AGAP1: variants seen among roughly 807,000 people sequenced by gnomAD.
The protein encoded by AGAP1 is ArfGAP with GTPase domain, ankyrin repeat and PH domain 1, also known as arf-GAP with GTPase, ANK repeat and PH domain-containing protein 1.
AGAP1 carries 29 observed loss-of-function variants against 105.3 expected under a neutral mutation model. That is an observed-to-expected ratio of 0.28 (90% CI 0.21 to 0.38). The LOEUF (loss-of-function observed/expected upper bound fraction) is 0.38, where lower values mean the gene tolerates loss of function less well. Among genes scored for constraint, AGAP1 ranks in the 10% least tolerant of loss-of-function variants. The pLI is 1.00. For missense variants in AGAP1, 998 were observed against 1,165.1 expected, an observed-to-expected ratio of 0.86 and a Z score of 2.09; for synonymous variants, 509 against 485.9, an observed-to-expected ratio of 1.05 and a Z score of -0.63.
intron 9 of AGAP1, chr2:235,852,871 G>T: frequency 7.2e-7 from 1 of 1,393,966 alleles, no homozygotes; most frequent in Non-Finnish European, 9.4e-7. Flanking sequence ...AGTTAACATA[G>T]AGGTGAACTC....
At chr2:236,102,228 T>G (rs183241436) in intron 16 of AGAP1, among the ~76,000 whole-genome samples, 14 of 152,010 alleles carry the variant, frequency 9.2e-5, no homozygotes, top group Non-Finnish European at 1.8e-4. Context: ...CCATCCTGGC[T>G]AACACGGTGA....
chr2:235,825,844 A>G (rs1959032227), intron 9 of AGAP1, among the ~76,000 whole-genome samples: 2 of 152,252 alleles, frequency 1.3e-5, no homozygotes, highest in Non-Finnish European at 2.9e-5. Flanking sequence ...ATACATTTAA[A>G]AATAACTTAA....
rs1485977859 is a variant in AGAP1, at chr2:236,083,875, A to G, written c.2114+34594A>G. On this transcript the variant is annotated intron_variant, in intron 16 of 17. Transcript: ENST00000304032. The surrounding 1 kb of genome is among the most constrained non-coding windows in gnomAD (Gnocchi z 5.3). The stretch of plus-strand genomic sequence containing the variant: ...TTAAATGAATCCGAGATAAATGGGC[A>G]TGTGCGTGTGTATGCACACACACGT... Among the ~76,000 whole-genome samples, 1 of 152,286 alleles carries G rather than the reference A, an allele frequency of 6.6e-6. No individual in the cohort carries two copies. Among genetic ancestry groups the G allele is most frequent in the South Asian group, 2.1e-4 (1 of 4,822 alleles).
In AGAP1 at chr2:235,927,961, CAG is replaced by C. The variant is rs1000701307; in HGVS notation, c.1325-2803_1325-2802del. On this transcript the variant is annotated intron_variant, in intron 11 of 17. Coordinates refer to ENST00000304032, the MANE Select transcript of AGAP1 (RefSeq NM_001037131.3). The surrounding 1 kb of genome is among the most constrained non-coding windows in gnomAD (Gnocchi z 4.4). Reference sequence around the variant, plus strand: ...GATGGCATGCTTAATAATGACTTGACAGGGGTCTGATTGGGCATTGCAGTGTG... The same window carrying C: ...GATGGCATGCTTAATAATGACTTGACGGGTCTGATTGGGCATTGCAGTGTG... 6.6e-6 allele frequency among the ~76,000 whole-genome samples: 1 copy of C among 152,174 alleles called. No individual in the cohort carries two copies. Among genetic ancestry groups the C allele is most frequent in the Non-Finnish European group, 1.5e-5 (1 of 68,042 alleles).
rs1458069360 is a variant in AGAP1 at position 235,733,900 on chromosome 2, G to T, written c.311-7063G>T. On this transcript the variant is annotated intron_variant, in intron 3 of 17. Coordinates refer to ENST00000304032, the MANE Select transcript of AGAP1 (RefSeq NM_001037131.3). The surrounding 1 kb of genome is among the most constrained non-coding windows in gnomAD (Gnocchi z 5.0). ...TTGGCTAAATTTTGTAAACAAAGAT[G>T]TTACCAATAAAACCTTTTTCCCAGT... is the stretch of plus-strand genomic sequence containing the variant. Among the ~76,000 whole-genome samples, 1 of 152,152 alleles carries T rather than the reference G, an allele frequency of 6.6e-6. No individual in the cohort carries two copies. The highest frequency in any genetic ancestry group is 2.4e-5 in the African/African-American group (1 of 41,434).
At chr2:235,849,359 T>C (rs1265847922) in intron 9 of AGAP1, among the ~76,000 whole-genome samples, 3 of 152,240 alleles carry the variant, frequency 2.0e-5, no homozygotes, top group Non-Finnish European at 4.4e-5. Flanking sequence ...TATAATTAAC[T>C]GGTTTTTTTG....
rs1198448563 is a variant in AGAP1, at chr2:235,973,897, A to T, written c.1645+5274A>T. ...CAAGTTCAAGGGTATGTGCCAGGGAAAAGCGCCTGGGCAGTGGGATTTTGC... is the reference window on the plus strand; with the variant it reads ...CAAGTTCAAGGGTATGTGCCAGGGATAAGCGCCTGGGCAGTGGGATTTTGC... On this transcript the variant is annotated intron_variant, in intron 13 of 17. Transcript: ENST00000304032. The surrounding 1 kb of genome is among the most constrained non-coding windows in gnomAD (Gnocchi z 4.7). Among the ~76,000 whole-genome samples, 1 of 152,132 alleles carries T rather than the reference A, an allele frequency of 6.6e-6. No homozygotes were observed. The highest frequency in any genetic ancestry group is 6.5e-5 in the Admixed American group (1 of 15,278).
chr2:235,600,509 T>C lies in AGAP1; in HGVS notation c.163+105660T>C, dbSNP rs537714058. Among the ~76,000 whole-genome samples, 36 of 152,218 alleles carry C rather than the reference T, an allele frequency of 2.4e-4. No homozygotes were observed. Among genetic ancestry groups the C allele is most frequent in the African/African-American group, 8.2e-4 (34 of 41,512 alleles). ...AGGGATGGAACCAATAGGCCAGATA[T>C]GTAATAAAGGGGAGTTTATTAAGGA... On this transcript the variant is annotated intron_variant, in intron 1 of 17. Coordinates refer to ENST00000304032, the MANE Select transcript of AGAP1 (RefSeq NM_001037131.3). The surrounding 1 kb of genome is among the most constrained non-coding windows in gnomAD (Gnocchi z 4.8).
intron 9 of AGAP1, among the ~76,000 whole-genome samples, chr2:235,831,314 C>G (rs766100496): frequency 5.9e-5 from 9 of 152,204 alleles, no homozygotes; most frequent in Non-Finnish European, 1.2e-4. Flanking sequence ...TGAGCCTGCA[C>G]TGACAGCACT....
chr2:235,659,516 CAT>C lies in AGAP1; in HGVS notation c.164-49662_164-49661del, dbSNP rs1302163968. On this transcript the variant is annotated intron_variant, in intron 1 of 17. Coordinates refer to ENST00000304032, the MANE Select transcript of AGAP1 (RefSeq NM_001037131.3). This position sits in a 1 kb window ranked among gnomAD's most constrained non-coding sequence, Gnocchi z 5.0. ...TGGCAGTCAGGGTGCTATATGAACACATGTTTTGTGGGTCACTTGCCAGGCGT... is the reference window on the plus strand; with the variant it reads ...TGGCAGTCAGGGTGCTATATGAACACGTTTTGTGGGTCACTTGCCAGGCGT... Among the ~76,000 whole-genome samples, 5 of 152,162 alleles carry C rather than the reference CAT, an allele frequency of 3.3e-5. No homozygotes were observed. The highest frequency in any genetic ancestry group is 2.9e-5 in the Non-Finnish European group (2 of 68,046).
rs1355397170 is a variant in AGAP1 at position 236,124,503 on chromosome 2, A to C, written c.*381A>C. 1 of 288,086 alleles carries C rather than the reference A, an allele frequency of 3.5e-6. No individual in the cohort carries two copies. The highest frequency in any genetic ancestry group is 4.7e-5 in the Admixed American group (1 of 21,380). The allele number at this position is 288,086 out of a possible 1,614,324, so 17.8% of individuals were successfully genotyped here. On this transcript the variant is annotated 3_prime_UTR_variant, in exon 18 of 18. Transcript: ENST00000304032. This position sits in a 1 kb window ranked among gnomAD's most constrained non-coding sequence, Gnocchi z 5.1. Reference sequence around the variant, plus strand: ...GAAGGGGCAACTTTCCTTAACTGGCAGTTGAGCACATAGTACATTTCCCCT... The same window carrying C: ...GAAGGGGCAACTTTCCTTAACTGGCCGTTGAGCACATAGTACATTTCCCCT...
In AGAP1 at chr2:235,992,377, T is replaced by G. The variant is rs140271924; in HGVS notation, c.1645+23754T>G. On this transcript the variant is annotated intron_variant, in intron 13 of 17. Coordinates refer to ENST00000304032, the MANE Select transcript of AGAP1 (RefSeq NM_001037131.3). This position sits in a 1 kb window ranked among gnomAD's most constrained non-coding sequence, Gnocchi z 4.8. ...TCAGGTTGTCTACCTCCAAGACTGT[T>G]GTCAGGATTCACTCAATGAACTCCT... Among the ~76,000 whole-genome samples, 1 of 152,184 alleles carries G rather than the reference T, an allele frequency of 6.6e-6. No individual in the cohort carries two copies. Among genetic ancestry groups the G allele is most frequent in the Non-Finnish European group, 1.5e-5 (1 of 68,012 alleles).
rs935251019 is a variant in AGAP1, at chr2:235,887,640, C to T, written c.1155+4191C>T. Among the ~76,000 whole-genome samples the T allele has an allele frequency of 2.6e-5, 4 of 152,222 alleles. No individual in the cohort carries two copies. The highest frequency in any genetic ancestry group is 7.2e-5 in the African/African-American group (3 of 41,450). On this transcript the variant is annotated intron_variant, in intron 10 of 17. Transcript: ENST00000304032. This position sits in a 1 kb window ranked among gnomAD's most constrained non-coding sequence, Gnocchi z 4.1. ...CATTGATCTCATATAGCATAGCCTACAGCCCGTTCTTTTCCACAGAGCCCA... is the reference window on the plus strand; with the variant it reads ...CATTGATCTCATATAGCATAGCCTATAGCCCGTTCTTTTCCACAGAGCCCA...
intron 16 of AGAP1, among the ~76,000 whole-genome samples, chr2:236,064,230 A>G (rs2058285424): frequency 6.6e-6 from 1 of 152,212 alleles, no homozygotes; most frequent in Non-Finnish European, 1.5e-5. Context: ...GCTTAGGAGC[A>G]TGGAGTTATG....
At chr2:235,672,264 T>C (rs112040228) in intron 1 of AGAP1, among the ~76,000 whole-genome samples, 76 of 152,332 alleles carry the variant, frequency 5.0e-4, no homozygotes, top group African/African-American at 1.6e-3. Flanking sequence ...ACTGTCCTTA[T>C]GGAAATATTT....
chr2:235,950,480 T>A (rs114930019), intron 12 of AGAP1, among the ~76,000 whole-genome samples: 3,551 of 150,986 alleles, frequency 0.024, 146 homozygotes, highest in African/African-American at 0.082. Context: ...ACTCCTGAGG[T>A]TTGGGGGCTG....
At chr2:235,834,469 G>A (rs980851843) in intron 9 of AGAP1, among the ~76,000 whole-genome samples, 4 of 152,156 alleles carry the variant, frequency 2.6e-5, no homozygotes, top group African/African-American at 9.7e-5. Context: ...CACCCACCCA[G>A]GCCACAGAGC....
intron 1 of AGAP1, among the ~76,000 whole-genome samples, chr2:235,583,328 T>C (rs1201476166): frequency 6.6e-6 from 1 of 152,104 alleles, no homozygotes. Context: ...CATGTAACTC[T>C]GGGGTAACTC....
chr2:235,550,428 G>A lies in AGAP1; in HGVS notation c.163+55579G>A, dbSNP rs1182235701. On this transcript the variant is annotated intron_variant, in intron 1 of 17. Coordinates refer to ENST00000304032, the MANE Select transcript of AGAP1 (RefSeq NM_001037131.3). The surrounding 1 kb of genome is among the most constrained non-coding windows in gnomAD (Gnocchi z 4.6). ...GAGTCACTGAGCATGCACACGGGCTGTCAGGTCCTGGTCCCAGCTCTGCCT... is the reference window on the plus strand; with the variant it reads ...GAGTCACTGAGCATGCACACGGGCTATCAGGTCCTGGTCCCAGCTCTGCCT... Among the ~76,000 whole-genome samples the A allele has an allele frequency of 6.6e-6, 1 of 152,230 alleles. No homozygotes were observed. The highest frequency in any genetic ancestry group is 1.5e-5 in the Non-Finnish European group (1 of 68,042).
Sources: allele counts gnomAD v4.1 joint callset (sites outside exome capture counted in the v4.1 genomes callset), GRCh38; gene constraint gnomAD v4.1.1; non-coding constraint Gnocchi (gnomAD v3.1); transcripts MANE v1.5; gene names NCBI Gene and HGNC (gene_info 2026-07-23, HGNC 2026-07-21).